OR4D2: variants seen among roughly 807,000 people sequenced by gnomAD.
OR4D2 encodes the protein olfactory receptor 4D2.
In OR4D2, 9 loss-of-function variants were observed where a neutral mutation model predicts 12.4. The ratio of observed to expected loss-of-function variants is 0.73; its 90% confidence interval spans 0.44 to 1.27. OR4D2 has a LOEUF of 1.27. Ranked by LOEUF, OR4D2 falls within the 50% of genes most tolerant of loss-of-function variation. The pLI is 0.00. For synonymous variants in OR4D2, 151 were observed against 151.1 expected, an observed-to-expected ratio of 1.00 and a Z score of 0.01; for missense variants, 373 against 381.6, an observed-to-expected ratio of 0.98 and a Z score of 0.19.
At chr17:58,168,197 C>T (rs1049338000) in intron 1 of OR4D2, among the ~76,000 whole-genome samples, 3 of 144,698 alleles carry the variant, frequency 2.1e-5, no homozygotes, top group African/African-American at 7.4e-5. Context: ...CCATCTTCTT[C>T]TTCTTTTTTT....
chr17:58,169,556 A>C, intron 1 of OR4D2, 82 bp from the exon 2 acceptor site: 1 of 904,084 alleles, frequency 1.1e-6, no homozygotes, highest in Non-Finnish European at 1.8e-6. Context: ...ATATGGGCCT[A>C]AAACCTTGGT....
intron 1 of OR4D2, among the ~76,000 whole-genome samples, chr17:58,168,200 CT>C (rs139996359): frequency 8.9e-5 from 13 of 146,316 alleles, no homozygotes; most frequent in Admixed American, 1.4e-4. Context: ...TCTTCTTCTT[CT>C]TTTTTTTTTG....
intron 1 of OR4D2, among the ~76,000 whole-genome samples, chr17:58,167,322 G>T (rs1315907260): frequency 6.6e-6 from 1 of 152,190 alleles, no homozygotes; most frequent in African/African-American, 2.4e-5. Flanking sequence ...GGGGGGAGGA[G>T]TCAAAGGGAA....
chr17:58,167,799 G>A (rs994168595), intron 1 of OR4D2, among the ~76,000 whole-genome samples: 3 of 151,768 alleles, frequency 2.0e-5, no homozygotes, highest in Admixed American at 6.6e-5. Context: ...CGGATCACGA[G>A]GTCAGGAGAT....
rs201136810 is a variant in OR4D2 at position 58,169,744 on chromosome 17, T to C, written c.89T>C (p.Met30Thr). Residue 30 changes from methionine to threonine, a missense_variant, in exon 2 of 2, where the codon ATG becomes ACG. Coordinates refer to ENST00000545221, the MANE Select transcript of OR4D2 (RefSeq NM_001004707.4). ...GAGCTCCAGCGTTTCCTGTTTCTAATGTTCCTGTTTGTCTACATCACCACT... is the reference window on the plus strand; with the variant it reads ...GAGCTCCAGCGTTTCCTGTTTCTAACGTTCCTGTTTGTCTACATCACCACT... ...TRELQRFLFL[M>T]FLFVYITTVM... 1 of 1,614,066 alleles carries C rather than the reference T, an allele frequency of 6.2e-7. No individual in the cohort carries two copies. The highest frequency in any genetic ancestry group is 8.5e-7 in the Non-Finnish European group (1 of 1,179,930).
At chr17:58,167,125 T>C (rs1033531652) in intron 1 of OR4D2, 72 bp downstream of exon 1, 3 of 152,238 alleles carry the variant, frequency 2.0e-5, no homozygotes, top group Non-Finnish European at 2.9e-5. Context: ...ATATATTAAG[T>C]TGGCAAACAT....
chr17:58,170,361 G>T lies in OR4D2; in HGVS notation c.706G>T (p.Ala236Ser), dbSNP rs144110932. ...RSHPGEARRK[A>S]ASTCTTHIIV... is the part of the protein sequence containing the mutation. ...ACATCCAGGGGAGGCAAGAAGGAAG[G>T]CAGCTTCCACCTGCACCACCCACAT... The change falls in exon 2 of 2, where the codon GCA becomes TCA. Residue 236 changes from alanine (A) to serine (S), a missense_variant. Transcript: ENST00000545221. 1.1e-3 allele frequency: 1,828 copies of T among 1,614,142 alleles called. 20 individuals carry two copies. The African/African-American group carries it at 0.022, about 19-fold the overall frequency.
rs752659182 is a variant in OR4D2 at position 58,170,002 on chromosome 17, C to T, written c.347C>T (p.Ser116Leu). 3.5e-5 allele frequency: 56 copies of T among 1,614,026 alleles called. No individual in the cohort carries two copies. The Admixed American group carries it at 3.8e-4, about 11-fold the overall frequency. The change falls in exon 2 of 2, where the codon TCA becomes TTA. Residue 116 changes from serine to leucine, a missense_variant. Transcript: ENST00000545221. Reference protein sequence around the residue: ...FLGGAMVFFLSVMAFDRLIAI... With the variant: ...FLGGAMVFFLLVMAFDRLIAI... ...GGAGGTGCCATGGTCTTCTTCCTCT[C>T]AGTGATGGCCTTTGACCGCCTCATT...
Position 58,170,831 on chromosome 17 carries a change from CT to C in OR4D2, c.*256del, listed in dbSNP as rs1967957587. 2 of 496,990 alleles carry C rather than the reference CT, an allele frequency of 4.0e-6. No homozygotes were observed. Among genetic ancestry groups the C allele is most frequent in the East Asian group, 7.5e-5 (2 of 26,782 alleles). The allele number at this position is 496,990 out of a possible 1,614,324, so 30.8% of individuals were successfully genotyped here. A position where few individuals can be genotyped will look rare whatever the true frequency, so the allele number is the denominator to read the frequency against. On this transcript the variant is annotated 3_prime_UTR_variant, in exon 2 of 2. Transcript: ENST00000545221. ...CATGGCCCCTGAAAACCACACCTTC[CT>C]TTTCACCTTCTTGGTGGACAGTTTC...
intron 1 of OR4D2, 94 bp from the exon 2 acceptor site, chr17:58,169,544 T>C: frequency 1.3e-6 from 1 of 797,798 alleles, no homozygotes. Context: ...AGGATGCTCA[T>C]CATATGGGCC....
rs1967952161 is a variant in OR4D2 at position 58,170,516 on chromosome 17, TA to T, written c.862del (p.Thr288ProfsTer2). 1 of 1,614,096 alleles carries T rather than the reference TA, an allele frequency of 6.2e-7. No homozygotes were observed. The highest frequency in any genetic ancestry group is 8.5e-7 in the Non-Finnish European group (1 of 1,179,966). ...MTPMLNPMIY[T>X]LRNQDMQAAV... The stretch of plus-strand genomic sequence containing the variant: ...CCCCCATGCTCAACCCCATGATCTA[TA>T]CCCTGAGGAACCAGGACATGCAGGC... On this transcript the variant is annotated frameshift_variant, in exon 2 of 2. Coordinates refer to ENST00000545221, the MANE Select transcript of OR4D2 (RefSeq NM_001004707.4). LOFTEE classifies it high-confidence loss of function.
chr17:58,169,152 T>G (rs1275367139), intron 1 of OR4D2, among the ~76,000 whole-genome samples: 1 of 152,242 alleles, frequency 6.6e-6, no homozygotes, highest in Non-Finnish European at 1.5e-5. Context: ...TATCTTTAGA[T>G]TAAGAGAATT....
rs1234036260 is a variant in OR4D2, at chr17:58,169,661, A to G, written c.6A>G (p.Glu2=). Residue 2 remains glutamate, a synonymous_variant, in exon 2 of 2, where the codon GAA becomes GAG. Transcript: ENST00000545221. M[E]TGNLTWVSDF... ...AGGTGTATGGAGAAAACACCATGGAAACAGGGAACCTCACGTGGGTATCAG... is the reference window on the plus strand; with the variant it reads ...AGGTGTATGGAGAAAACACCATGGAGACAGGGAACCTCACGTGGGTATCAG... 1.7e-5 allele frequency: 27 copies of G among 1,613,354 alleles called. No homozygotes were observed. Among genetic ancestry groups the G allele is most frequent in the Non-Finnish European group, 2.3e-5 (27 of 1,179,396 alleles).
At chr17:58,167,999 C>CAAAAA (rs1165311786) in intron 1 of OR4D2, among the ~76,000 whole-genome samples, 932 of 38,832 alleles carry the variant, frequency 0.024, 155 homozygotes, top group African/African-American at 0.065. Context: ...GACTCCGTCA[C>CAAAAA]AAAAAAAAAA....
In OR4D2 at chr17:58,170,190, T is replaced by C. The variant is rs904585536; in HGVS notation, c.535T>C (p.Cys179Arg). 7 of 1,614,204 alleles carry C rather than the reference T, an allele frequency of 4.3e-6. No homozygotes were observed. The highest frequency in any genetic ancestry group is 5.9e-6 in the Non-Finnish European group (7 of 1,180,026). Residue 179 changes from cysteine to arginine, a missense_variant, in exon 2 of 2, where the codon TGT becomes CGT. By Grantham distance (180) the Cys-to-Arg change is radical. Coordinates refer to ENST00000545221, the MANE Select transcript of OR4D2 (RefSeq NM_001004707.4). ...CCCCAACATTTTGGATAACTTCTAC[T>C]GTGATGTTCCCCAAGTACTGAGACT... ...CGPNILDNFY[C>R]DVPQVLRLAC...
At chr17:58,167,288 GAATT>G (rs1035310914) in intron 1 of OR4D2, among the ~76,000 whole-genome samples, 3 of 152,190 alleles carry the variant, frequency 2.0e-5, no homozygotes, top group Admixed American at 2.0e-4. Flanking sequence ...GAGAAATAAG[GAATT>G]AATTCTGCAT....
chr17:58,167,853 A>T (rs545126633), intron 1 of OR4D2, among the ~76,000 whole-genome samples: 98 of 151,990 alleles, frequency 6.4e-4, no homozygotes, highest in Non-Finnish European at 1.1e-3. Flanking sequence ...TACAAAAAAA[A>T]TTAGCCGGGC....
rs1222266182 is a variant in OR4D2, at chr17:58,169,805, C to T, written c.150C>T (p.Thr50=). 6.2e-7 allele frequency: 1 copy of T among 1,614,026 alleles called. No individual in the cohort carries two copies. The highest frequency in any genetic ancestry group is 1.1e-5 in the South Asian group (1 of 91,066). ...ACATCCTTATCATCATCACAGTGAC[C>T]TCTGATTCCCAGCTCCACACACCCA... The part of the protein sequence containing the change: ...MGNILIIITV[T]SDSQLHTPMY... Residue 50 remains threonine, a synonymous_variant, in exon 2 of 2, where the codon ACC becomes ACT. Transcript: ENST00000545221.
At chr17:58,167,210 TAAGAG>T (rs1305307678) in intron 1 of OR4D2, among the ~76,000 whole-genome samples, 157 bp downstream of exon 1, 2 of 152,190 alleles carry the variant, frequency 1.3e-5, no homozygotes, top group Non-Finnish European at 2.9e-5. Flanking sequence ...ACAATCTAGT[TAAGAG>T]AAGCAATAGA....
Sources: gnomAD v4.1 joint callset for allele counts (sites outside exome capture counted in the v4.1 genomes callset) on GRCh38, gnomAD v4.1.1 for gene constraint, MANE v1.5 for transcripts, NCBI Gene and HGNC (gene_info 2026-07-23, HGNC 2026-07-21) for gene names.